The following NOL4 variants were observed in gnomAD, a reference collection of about 807,000 sequenced individuals.
NOL4 encodes nucleolar protein 4.
Under a neutral mutation model 75.9 loss-of-function variants are expected in NOL4, and 17 were observed. The ratio of observed to expected loss-of-function variants is 0.22; its 90% CI spans 0.15 to 0.34. The LOEUF is 0.34. Among genes scored for constraint, NOL4 ranks in the 10% least tolerant of loss-of-function variants. The pLI is 1.00. For missense variants in NOL4, 614 were observed against 793.5 expected (o/e 0.77, Z 2.72); for synonymous variants, 292 against 289.9 (o/e 1.01, Z -0.07).
At chr18:34,096,447 T>C (rs544813745) in intron 4 of NOL4, among the ~76,000 whole-genome samples, 1 of 152,198 alleles carries the variant, frequency 6.6e-6, no homozygotes, top group African/African-American at 2.4e-5. Flanking sequence ...TTAGCAGAGG[T>C]ATATGAAATA....
intron 2 of NOL4, chr18:34,128,790 A>G (rs1235892624): frequency 3.0e-6 from 2 of 669,858 alleles, no homozygotes; most frequent in Non-Finnish European, 3.7e-6. Context: ...ATAGCAAAAA[A>G]TAGTTATGAA....
chr18:34,056,271 T>C (rs1310340174), intron 5 of NOL4, among the ~76,000 whole-genome samples: 3 of 152,322 alleles, frequency 2.0e-5, no homozygotes, highest in African/African-American at 7.2e-5. Flanking sequence ...CATTATGCAC[T>C]GGATTTGTGC....
rs754013004 is a variant in NOL4, at chr18:33,851,230, T to C, written c.*1612A>G. The C allele has an allele frequency of 3.3e-5, 5 of 152,540 alleles. No homozygotes were observed. Among genetic ancestry groups the C allele is most frequent in the African/African-American group, 4.8e-5 (2 of 41,456 alleles). The allele number at this position is 152,540 out of a possible 1,614,324, so 9.4% of individuals were successfully genotyped here. ...ATCTTAAAAGATGTTTGTGCAGCTA[T>C]GTATTTCCAAAATACTCATATTTCA... On this transcript the variant is annotated 3_prime_UTR_variant, in exon 11 of 11. Transcript: ENST00000261592.
chr18:34,159,810 G>C (rs917326616), intron 1 of NOL4, among the ~76,000 whole-genome samples: 3 of 152,086 alleles, frequency 2.0e-5, no homozygotes, highest in African/African-American at 7.2e-5. Flanking sequence ...AAGGGTCAGA[G>C]GCCTTCAGAA....
intron 1 of NOL4, among the ~76,000 whole-genome samples, chr18:34,171,968 A>G (rs2033085195): frequency 6.6e-6 from 1 of 152,072 alleles, no homozygotes; most frequent in Admixed American, 6.6e-5. Flanking sequence ...CCAATACAAT[A>G]CCCAGCAATG....
intron 6 of NOL4, among the ~76,000 whole-genome samples, chr18:34,016,662 GT>G (rs1414654920): frequency 6.6e-6 from 1 of 151,998 alleles, no homozygotes; most frequent in Non-Finnish European, 1.5e-5. Context: ...TCTCTTTAGA[GT>G]TTTCCTGAAG....
intron 9 of NOL4, among the ~76,000 whole-genome samples, chr18:33,904,655 GCCTGTGTT>G (rs1336388182): frequency 6.6e-6 from 1 of 152,148 alleles, no homozygotes; most frequent in Non-Finnish European, 1.5e-5. Context: ...TTGTAAATAT[GCCTGTGTT>G]AGGACTGCCT....
intron 10 of NOL4, among the ~76,000 whole-genome samples, chr18:33,877,635 T>C (rs2064007392): frequency 6.6e-6 from 1 of 151,980 alleles, no homozygotes; most frequent in Non-Finnish European, 1.5e-5. Context: ...GGAAAGTTTT[T>C]GGGGAGAAAC....
At chr18:34,057,742 C>T (rs542608181) in intron 5 of NOL4, among the ~76,000 whole-genome samples, 1 of 152,264 alleles carries the variant, frequency 6.6e-6, no homozygotes, top group East Asian at 1.9e-4. Context: ...AGAATCATGC[C>T]TTATACATCT....
rs1872584044 is a variant in NOL4, at chr18:33,860,499, G to GCTGAAGTTGCTTATCAGCTTT, written c.1724-7465_1724-7464insAAAGCTGATAAGCAACTTCAG. Among the ~76,000 whole-genome samples, 2 of 152,102 alleles carry GCTGAAGTTGCTTATCAGCTTT rather than the reference G, an allele frequency of 1.3e-5. 1 individual carries two copies. Among genetic ancestry groups the GCTGAAGTTGCTTATCAGCTTT allele is most frequent in the South Asian group, 4.1e-4 (2 of 4,830 alleles). On this transcript the variant is annotated intron_variant, in intron 10 of 10. Coordinates refer to ENST00000261592, the MANE Select transcript of NOL4 (RefSeq NM_003787.5). ...TGTAATAGTTACTTCCTGAGACTTT[G>GCTGAAGTTGCTTATCAGCTTT]CTGAAGTTGCTTATCAGCTTAAGGA...
At chr18:33,855,732 T>C (rs751090525) in intron 10 of NOL4, among the ~76,000 whole-genome samples, 1 of 152,084 alleles carries the variant, frequency 6.6e-6, no homozygotes, top group Non-Finnish European at 1.5e-5. Context: ...AAACGAATTA[T>C]TGATTCATTT....
chr18:34,084,298 G>A (rs192773923), intron 5 of NOL4, among the ~76,000 whole-genome samples: 9 of 152,160 alleles, frequency 5.9e-5, no homozygotes, highest in East Asian at 1.9e-4. Context: ...AAGATACTGC[G>A]GTCGCCCTTC....
At chr18:33,868,649 T>TCACACACACACA (rs10669407) in intron 10 of NOL4, among the ~76,000 whole-genome samples, 18 of 137,960 alleles carry the variant, frequency 1.3e-4, no homozygotes, top group East Asian at 2.2e-4. Context: ...TTCCTGTATT[T>TCACACACACACA]CACACACACA....
rs2037341234 is a variant in NOL4 at position 34,221,967 on chromosome 18, A to T, written c.264+1023T>A. 4 of 1,466,490 alleles carry T rather than the reference A, an allele frequency of 2.7e-6. No individual in the cohort carries two copies. In the South Asian group the frequency reaches 4.9e-5, roughly 18 times the overall value. 90.8% of individuals were successfully genotyped at this position (1,466,490 alleles called of 1,614,324 possible). ...CAAGAAACCCCAAAGCGAGGCAAAA[A>T]TACAAAGGATGCCAGATAGCCTCCC... On this transcript the variant is annotated intron_variant, in intron 1 of 10. Transcript: ENST00000261592.
intron 9 of NOL4, among the ~76,000 whole-genome samples, chr18:33,898,464 T>C (rs182637507): frequency 1.3e-5 from 2 of 152,292 alleles, no homozygotes; most frequent in Middle Eastern, 3.4e-3. Flanking sequence ...ACATAGCCCT[T>C]GAAAAATTTT....
intron 5 of NOL4, among the ~76,000 whole-genome samples, chr18:34,048,797 T>C (rs988474020): frequency 1.3e-5 from 2 of 152,058 alleles, no homozygotes; most frequent in Non-Finnish European, 2.9e-5. Context: ...TCTGTACATT[T>C]TGCTACAGGG....
At chr18:34,208,258 A>C (rs1339243979) in intron 1 of NOL4, among the ~76,000 whole-genome samples, 1 of 152,076 alleles carries the variant, frequency 6.6e-6, no homozygotes, top group East Asian at 1.9e-4. Flanking sequence ...CAGAGTTTTT[A>C]GTATAATCAG....
At chr18:33,879,983 G>A (rs951344372) in intron 10 of NOL4, among the ~76,000 whole-genome samples, 1 of 151,938 alleles carries the variant, frequency 6.6e-6, no homozygotes, top group African/African-American at 2.4e-5. Flanking sequence ...AGTCATGATA[G>A]TACCTTTTTA....
chr18:33,852,734 C>T lies in NOL4; in HGVS notation c.*108G>A. 1.1e-6 allele frequency: 1 copy of T among 940,336 alleles called. No individual in the cohort carries two copies. The highest frequency in any genetic ancestry group is 1.6e-5 in the South Asian group (1 of 60,708). 58.2% of individuals were successfully genotyped at this position (940,336 alleles called of 1,614,324 possible). On this transcript the variant is annotated 3_prime_UTR_variant, in exon 11 of 11. Coordinates refer to ENST00000261592, the MANE Select transcript of NOL4 (RefSeq NM_003787.5). ...ACAATGTGGCATAATGGAAGTATTT[C>T]TCTTAAAAGACTGTGCAGTAAGACC...
Sources: allele counts gnomAD v4.1 joint callset (sites outside exome capture counted in the v4.1 genomes callset), GRCh38; gene constraint gnomAD v4.1.1; transcripts MANE v1.5; gene names NCBI Gene and HGNC (gene_info 2026-07-23, HGNC 2026-07-21).